ROBO2: variants seen among roughly 807,000 people sequenced by gnomAD.
ROBO2 encodes the protein roundabout guidance receptor 2.
In ROBO2, 53 loss-of-function variants were observed where a neutral mutation model predicts 160.8. That is an observed-to-expected ratio of 0.33 (90% CI 0.26 to 0.41). The LOEUF (loss-of-function observed/expected upper bound fraction) is 0.41. Ranked by LOEUF, ROBO2 falls within the 10% of genes least tolerant of loss-of-function variation. The pLI is 1.00. For synonymous variants in ROBO2, 664 were observed against 611.7 expected (o/e 1.09, Z -1.26); for missense variants, 1,577 against 1,722.4 (o/e 0.92, Z 1.49).
At chr3:77,432,365 A>T (rs1289032469) in intron 2 of ROBO2, among the ~76,000 whole-genome samples, 1 of 152,198 alleles carries the variant, frequency 6.6e-6, no homozygotes, top group Non-Finnish European at 1.5e-5. Context: ...ATTCATTTCT[A>T]AACTATTGTT....
At chr3:76,511,923 A>G (rs893199944) in intron 2 of ROBO2, among the ~76,000 whole-genome samples, 2 of 152,194 alleles carry the variant, frequency 1.3e-5, no homozygotes, top group East Asian at 1.9e-4. Flanking sequence ...ATTGTGAAAT[A>G]GCCAAAATGG....
chr3:77,320,506 C>G (rs992354868), intron 2 of ROBO2, among the ~76,000 whole-genome samples: 1 of 151,738 alleles, frequency 6.6e-6, no homozygotes, highest in African/African-American at 2.4e-5. Context: ...TCTAGAGGGA[C>G]GCAAATTGCA....
intron 2 of ROBO2, among the ~76,000 whole-genome samples, chr3:77,237,550 C>A (rs993241699): frequency 6.6e-6 from 1 of 151,860 alleles, no homozygotes; most frequent in African/African-American, 2.4e-5. Flanking sequence ...TAGGCATGAA[C>A]CACTGCACCT....
chr3:76,446,249 G>A (rs1218881760), intron 2 of ROBO2, among the ~76,000 whole-genome samples: 3 of 152,094 alleles, frequency 2.0e-5, no homozygotes, highest in Non-Finnish European at 4.4e-5. Flanking sequence ...AACAATAAGA[G>A]ACAAACAGAG....
chr3:77,370,986 C>T (rs898158780), intron 2 of ROBO2, among the ~76,000 whole-genome samples: 10 of 152,102 alleles, frequency 6.6e-5, no homozygotes, highest in Admixed American at 6.5e-4. Flanking sequence ...GTTCGGTCTT[C>T]AAGGGGTGGA....
At chr3:77,511,863 T>C (rs557310464) in intron 5 of ROBO2, among the ~76,000 whole-genome samples, 1 of 152,094 alleles carries the variant, frequency 6.6e-6, no homozygotes, top group Non-Finnish European at 1.5e-5. Flanking sequence ...CCTCCCAGGA[T>C]TTTTTCTTTC....
At chr3:77,440,127 T>G (rs2079760524) in intron 2 of ROBO2, among the ~76,000 whole-genome samples, 1 of 152,190 alleles carries the variant, frequency 6.6e-6, no homozygotes, top group South Asian at 2.1e-4. Context: ...GTCTACCATG[T>G]GCTTAGAGTA....
intron 2 of ROBO2, among the ~76,000 whole-genome samples, chr3:77,010,604 T>G (rs2061826400): frequency 6.6e-6 from 1 of 152,124 alleles, no homozygotes; most frequent in Non-Finnish European, 1.5e-5. Context: ...TGACCCAGTT[T>G]CAGGACCTTT....
intron 2 of ROBO2, among the ~76,000 whole-genome samples, chr3:76,535,169 G>A (rs1195577533): frequency 2.0e-5 from 3 of 151,972 alleles, no homozygotes; most frequent in African/African-American, 4.8e-5. Flanking sequence ...TTGTGGAAGG[G>A]GGTATTGAGG....
intron 2 of ROBO2, among the ~76,000 whole-genome samples, chr3:76,261,739 A>G (rs983110516): frequency 6.6e-6 from 1 of 151,964 alleles, no homozygotes; most frequent in Non-Finnish European, 1.5e-5. Context: ...TTTTTAGTAG[A>G]TTGTATGTAT....
intron 2 of ROBO2, among the ~76,000 whole-genome samples, chr3:75,996,717 ATCTAT>A (rs1369796756): frequency 6.6e-6 from 1 of 152,006 alleles, no homozygotes; most frequent in East Asian, 1.9e-4. Context: ...AGTAATGAAT[ATCTAT>A]TCTGATATAT....
intron 17 of ROBO2, among the ~76,000 whole-genome samples, chr3:77,592,348 A>T (rs1216240514): frequency 6.6e-6 from 1 of 152,122 alleles, no homozygotes; most frequent in East Asian, 1.9e-4. Context: ...AATCATTTGA[A>T]AAACATATTT....
At chr3:76,087,765 GTAAT>G (rs374208537) in intron 2 of ROBO2, among the ~76,000 whole-genome samples, 158 of 152,100 alleles carry the variant, frequency 1.0e-3, no homozygotes, top group African/African-American at 3.5e-3. Context: ...ACAGGAGTGA[GTAAT>G]TAGAGTTATT....
At chr3:76,142,691 G>A (rs1254202789) in intron 2 of ROBO2, among the ~76,000 whole-genome samples, 1 of 151,852 alleles carries the variant, frequency 6.6e-6, no homozygotes, top group Non-Finnish European at 1.5e-5. Flanking sequence ...TAGTGGAGAT[G>A]GTTAATGGGC....
At chr3:77,599,557 T>G (rs2094389566) in intron 19 of ROBO2, among the ~76,000 whole-genome samples, 1 of 150,358 alleles carries the variant, frequency 6.7e-6, no homozygotes, top group Non-Finnish European at 1.5e-5. Context: ...AAATGACGAG[T>G]TAATGGGTGC....
chr3:77,252,831 A>AAATATATATAT, intron 2 of ROBO2, among the ~76,000 whole-genome samples: 2 of 12,518 alleles, frequency 1.6e-4, no homozygotes, highest in African/African-American at 3.2e-4. Flanking sequence ...AAAAAAAAAA[A>AAATATATATAT]ATATATATAT....
intron 2 of ROBO2, among the ~76,000 whole-genome samples, chr3:76,910,271 A>T (rs2075886005): frequency 6.6e-6 from 1 of 152,068 alleles, no homozygotes; most frequent in Admixed American, 6.6e-5. Context: ...TACTGAATAT[A>T]AAAAAAACTA....
intron 2 of ROBO2, among the ~76,000 whole-genome samples, chr3:76,670,262 GAA>G (rs1240992555): frequency 6.7e-6 from 1 of 149,920 alleles, no homozygotes; most frequent in East Asian, 1.9e-4. Flanking sequence ...TACATTTTAT[GAA>G]TTTCCCTGGT....
intron 2 of ROBO2, among the ~76,000 whole-genome samples, chr3:76,395,877 G>A (rs1442330110): frequency 2.6e-5 from 4 of 152,014 alleles, no homozygotes; most frequent in East Asian, 3.9e-4. Context: ...ATTCACAGCC[G>A]AATTCTACCA....
Sources: allele counts gnomAD v4.1 joint callset (sites outside exome capture counted in the v4.1 genomes callset), GRCh38; gene constraint gnomAD v4.1.1; transcripts MANE v1.5; gene names NCBI Gene and HGNC (gene_info 2026-07-23, HGNC 2026-07-21).